SMU1: variants seen among roughly 807,000 people sequenced by gnomAD.
SMU1 encodes the protein WD40 repeat-containing protein SMU1.
A neutral mutation model predicts 62.0 loss-of-function variants in SMU1; 2 were observed. That is an observed-to-expected ratio of 0.03 (90% confidence interval 0.01 to 0.10). The LOEUF (loss-of-function observed/expected upper bound fraction) is 0.10, where lower values mean the gene tolerates loss of function less well. SMU1 is among the 10% of genes least tolerant of loss of function. The pLI is 1.00. For missense variants in SMU1, 227 were observed against 622.1 expected (o/e 0.36, Z 6.76); for synonymous variants, 188 against 212.4 (o/e 0.89, Z 1.00).
At chr9:33,067,726 T>C (rs1215509920) in intron 4 of SMU1, among the ~76,000 whole-genome samples, 1 of 152,124 alleles carries the variant, frequency 6.6e-6, no homozygotes, top group African/African-American at 2.4e-5. Flanking sequence ...CTCGAGCCCC[T>C]GATCTCAGGT....
chr9:33,070,262 C>A (rs914672876), intron 3 of SMU1, among the ~76,000 whole-genome samples: 3 of 152,150 alleles, frequency 2.0e-5, no homozygotes, highest in Non-Finnish European at 2.9e-5. Flanking sequence ...ACACACAAGG[C>A]AAACAGGTTT....
chr9:33,056,689 G>A (rs554775914), intron 8 of SMU1, 148 bp downstream of exon 8: 2 of 823,938 alleles, frequency 2.4e-6, no homozygotes, highest in African/African-American at 1.7e-5. Context: ...TGTACTTTGG[G>A]GACATAAGGT....
Position 33,071,040 on chromosome 9 carries a change from G to T in SMU1, c.390+700C>A, listed in dbSNP as rs112758008. Among the ~76,000 whole-genome samples the T allele has an allele frequency of 3.2e-3, 488 of 152,238 alleles. 8 individuals are homozygous for T. The highest frequency in any genetic ancestry group is 0.011 in the African/African-American group (466 of 41,540). ...GAATTGAATTGTTTGTAACACAAAG[G>T]ATACATGCTTGAGGTGATGGATACT... On this transcript the variant is annotated intron_variant, in intron 3 of 11. Transcript: ENST00000397149.
chr9:33,075,738 A>G lies in SMU1; in HGVS notation c.26+845T>C, dbSNP rs533016988. Among the ~76,000 whole-genome samples the G allele has an allele frequency of 2.0e-3, 298 of 152,336 alleles. 9 individuals are homozygous for G. In the East Asian group the frequency reaches 0.054, roughly 27 times the overall value. ...TGCATAAACCTCCCTTCCTCCTATG[A>G]AAAGTCTCCAAAAAAGGTCCTCTCC... is the stretch of plus-strand genomic sequence containing the variant. On this transcript the variant is annotated intron_variant, in intron 1 of 11. Transcript: ENST00000397149.
intron 2 of SMU1, among the ~76,000 whole-genome samples, chr9:33,073,258 C>T (rs936966522): frequency 1.3e-5 from 2 of 151,830 alleles, no homozygotes; most frequent in East Asian, 1.9e-4. Flanking sequence ...ATTAGGCAGG[C>T]GTGGTGGTGC....
At chr9:33,075,982 G>GT (rs1839541560) in intron 1 of SMU1, among the ~76,000 whole-genome samples, 1 of 152,118 alleles carries the variant, frequency 6.6e-6, no homozygotes, top group South Asian at 2.1e-4. Context: ...GGGCCTGATA[G>GT]TTGTTCATTC....
Position 33,056,923 on chromosome 9 carries a change from C to G in SMU1, c.909G>C (p.Glu303Asp). 1.2e-6 allele frequency: 2 copies of G among 1,613,294 alleles called. No homozygotes were observed. The highest frequency in any genetic ancestry group is 2.2e-5 in the South Asian group (2 of 91,050). ...IQSGQCLRRFERAHSKGVTCL... is the reference protein window; with the variant it reads ...IQSGQCLRRFDRAHSKGVTCL... ...AGGTGACACCCTTACTGTGTGCCCT[C>G]TCAAATCTCCTTAAACATTGTCCAC... Residue 303 changes from glutamate (E) to aspartate (D), a missense_variant, in exon 8 of 12, where the codon GAG (glutamate) becomes GAC (aspartate). Around this residue, in one of 5 missense-constraint regions of SMU1, gnomAD observed 98 missense variants for 195.9 expected, o/e 0.50. Coordinates refer to ENST00000397149, the MANE Select transcript of SMU1 (RefSeq NM_018225.3).
chr9:33,054,154 A>G (rs1839280271), intron 9 of SMU1, among the ~76,000 whole-genome samples: 1 of 152,094 alleles, frequency 6.6e-6, no homozygotes, highest in Admixed American at 6.5e-5. Flanking sequence ...CAAACAAACA[A>G]AACAAAAACC....
intron 4 of SMU1, among the ~76,000 whole-genome samples, chr9:33,063,341 C>A (rs539240207): frequency 1.3e-5 from 2 of 151,284 alleles, no homozygotes; most frequent in African/African-American, 4.9e-5. Context: ...CCAGCCTGGG[C>A]AACAGAGTGA....
intron 7 of SMU1, 63 bp from the exon 8 acceptor site, chr9:33,057,027 C>T (rs1839311886): frequency 1.3e-6 from 2 of 1,550,596 alleles, no homozygotes; most frequent in Admixed American, 3.9e-5. Context: ...ATTAATAGCC[C>T]ACAGAGCCAA....
intron 11 of SMU1, 107 bp from the exon 12 acceptor site, chr9:33,047,498 A>G: frequency 1.4e-6 from 1 of 733,586 alleles, no homozygotes; most frequent in South Asian, 1.9e-5. Flanking sequence ...GGGAGGCCAC[A>G]TATTCCAAAT....
In SMU1 at chr9:33,053,297, C is replaced by A; in HGVS notation, c.1123-7G>T. 5.6e-6 allele frequency: 9 copies of A among 1,611,418 alleles called. No homozygotes were observed. The highest frequency in any genetic ancestry group is 7.6e-6 in the Non-Finnish European group (9 of 1,179,676). On this transcript the variant is annotated splice_region_variant and splice_polypyrimidine_tract_variant and intron_variant, in intron 9 of 11. Transcript: ENST00000397149. The stretch of plus-strand genomic sequence containing the variant: ...TGGTCTTCATATTCCAGATCTACCA[C>A]ACAGAAATTTAAGTTATAAACCTTT...
rs377100326 is a variant in SMU1, at chr9:33,068,147, G to T, written c.501+677C>A. The stretch of plus-strand genomic sequence containing the variant: ...CCAGAAAAGTTAAGTAATTTGCCAA[G>T]ACTATATAGCTGGTAAATGAGAAAG... On this transcript the variant is annotated intron_variant, in intron 4 of 11. Transcript: ENST00000397149. Among the ~76,000 whole-genome samples the T allele has an allele frequency of 3.9e-5, 6 of 152,194 alleles. No homozygotes were observed. In the South Asian group the frequency reaches 1.2e-3, roughly 31 times the overall value.
At chr9:33,059,596 G>GC (rs1200368458) in intron 6 of SMU1, among the ~76,000 whole-genome samples, 10 of 146,746 alleles carry the variant, frequency 6.8e-5, no homozygotes. Flanking sequence ...GTTTTGTTTT[G>GC]TTTTGTTTTG....
Position 33,056,973 on chromosome 9 carries a change from G to GA in SMU1, c.868-10dup, listed in dbSNP as rs35445781. On this transcript the variant is annotated splice_polypyrimidine_tract_variant and intron_variant, in intron 7 of 11. Coordinates refer to ENST00000397149, the MANE Select transcript of SMU1 (RefSeq NM_018225.3). ...CTCTGAATCTTCCACACCTTTATTT[G>GA]AAAAAAAAAAAAGAATTAAAAAAAC... is the stretch of plus-strand genomic sequence containing the variant. The GA allele has an allele frequency of 0.013, 16,128 of 1,255,112 alleles. No individual in the cohort carries two copies. The highest frequency in any genetic ancestry group is 0.022 in the South Asian group (1,461 of 65,354). The allele number at this position is 1,255,112 out of a possible 1,614,324, so 77.7% of individuals were successfully genotyped here. A position where few individuals can be genotyped will look rare whatever the true frequency, so the allele number is the denominator to read the frequency against.
intron 5 of SMU1, among the ~76,000 whole-genome samples, chr9:33,061,564 C>T (rs144228392): frequency 6.6e-6 from 1 of 152,092 alleles, no homozygotes; most frequent in Non-Finnish European, 1.5e-5. Context: ...AGAAAACTCT[C>T]AGATTTAAAA....
intron 7 of SMU1, 133 bp downstream of exon 7, chr9:33,057,465 T>G: frequency 1.8e-6 from 2 of 1,123,322 alleles, no homozygotes; most frequent in East Asian, 4.7e-5. Context: ...TAAGAAAAAG[T>G]AAAGTGATTA....
At position 33,056,089 on chromosome 9, in the gene SMU1, A is replaced by G. The variant is rs1382116926; in HGVS notation, c.1122+24T>C. 3 of 1,590,962 alleles carry G rather than the reference A, an allele frequency of 1.9e-6. No individual in the cohort carries two copies. In the Admixed American group the frequency reaches 5.2e-5, roughly 27 times the overall value. ...ACAAAGATGGGGTAGACATCCCAAA[A>G]TAAACTGATAGCAAATACTTAACCT... On this transcript the variant is annotated intron_variant, in intron 9 of 11. Coordinates refer to ENST00000397149, the MANE Select transcript of SMU1 (RefSeq NM_018225.3).
intron 6 of SMU1, among the ~76,000 whole-genome samples, chr9:33,058,615 T>TA (rs1298530726): frequency 6.6e-6 from 1 of 152,096 alleles, no homozygotes; most frequent in Non-Finnish European, 1.5e-5. Context: ...CTGCGCCCAG[T>TA]AAAAAATTAC....
Sources: allele counts gnomAD v4.1 joint callset (sites outside exome capture counted in the v4.1 genomes callset), GRCh38; gene constraint gnomAD v4.1.1; regional missense constraint gnomAD v4.1.1; transcripts MANE v1.5; gene names NCBI Gene and HGNC (gene_info 2026-07-23, HGNC 2026-07-21).